The following NSRP1 variants were observed in gnomAD, a reference collection of about 807,000 sequenced individuals.
NSRP1 encodes the protein nuclear speckle splicing regulatory protein 1, also known as coiled-coil domain containing 55.
NSRP1 carries 24 observed loss-of-function variants against 54.7 expected under a neutral mutation model. That is an observed-to-expected ratio of 0.44 (90% CI 0.32 to 0.62). NSRP1 has a LOEUF of 0.62. NSRP1 is among the 20% of genes least tolerant of loss of function. The pLI, the probability that NSRP1 is intolerant of heterozygous loss-of-function variation, is 0.06. For missense variants in NSRP1, 596 were observed against 651.2 expected (o/e 0.92, Z 0.92); for synonymous variants, 210 against 213.8 (o/e 0.98, Z 0.15).
intron 2 of NSRP1, among the ~76,000 whole-genome samples, chr17:30,155,162 G>A (rs1340517821): frequency 6.6e-6 from 1 of 151,922 alleles, no homozygotes; most frequent in Non-Finnish European, 1.5e-5. Flanking sequence ...GAATATGTGA[G>A]ATATTTTGGT....
intron 5 of NSRP1, among the ~76,000 whole-genome samples, chr17:30,180,505 G>A (rs1319846076): frequency 6.6e-6 from 1 of 152,178 alleles, no homozygotes; most frequent in Non-Finnish European, 1.5e-5. Flanking sequence ...TTCTGTCTAA[G>A]CATGTACTAT....
intron 3 of NSRP1, among the ~76,000 whole-genome samples, chr17:30,174,441 G>A (rs1428596651): frequency 3.9e-5 from 6 of 152,166 alleles, no homozygotes; most frequent in Admixed American, 3.3e-4. Context: ...ATACTAGCTT[G>A]ATTGCATTTA....
chr17:30,135,795 G>A (rs562161120), intron 2 of NSRP1, among the ~76,000 whole-genome samples: 33 of 152,206 alleles, frequency 2.2e-4, no homozygotes, highest in African/African-American at 2.6e-4. Context: ...GATGAGGACC[G>A]GGGTGGTAGA....
At chr17:30,166,109 CTAA>C (rs2143007184) in intron 2 of NSRP1, among the ~76,000 whole-genome samples, 1 of 152,168 alleles carries the variant, frequency 6.6e-6, no homozygotes, top group African/African-American at 2.4e-5. Flanking sequence ...AAAATGGTAG[CTAA>C]CCTTTGTGAG....
intron 2 of NSRP1, 142 bp downstream of exon 2, chr17:30,118,315 AAAG>A (rs1170641566): frequency 1.7e-6 from 1 of 585,202 alleles, no homozygotes; most frequent in East Asian, 2.8e-5. Context: ...AGGAAGGTGT[AAAG>A]AAAGCAGCTC....
chr17:30,171,631 T>C (rs1208483208), intron 2 of NSRP1, among the ~76,000 whole-genome samples: 1 of 151,506 alleles, frequency 6.6e-6, no homozygotes, highest in Non-Finnish European at 1.5e-5. Context: ...TTTCTTTAAT[T>C]GTCTTCCCTT....
chr17:30,163,328 C>T (rs552014323), intron 2 of NSRP1, among the ~76,000 whole-genome samples: 30 of 151,902 alleles, frequency 2.0e-4, no homozygotes, highest in African/African-American at 7.0e-4. Flanking sequence ...CCTCCTCGGC[C>T]TCCCAGAGTG....
chr17:30,135,434 GTTAAC>G (rs2071741036), intron 2 of NSRP1, among the ~76,000 whole-genome samples: 2 of 151,442 alleles, frequency 1.3e-5, no homozygotes, highest in Admixed American at 1.3e-4. Context: ...GCTTATCAGA[GTTAAC>G]TTAGGTAGGG....
intron 4 of NSRP1, among the ~76,000 whole-genome samples, 175 bp downstream of exon 4, chr17:30,178,374 T>G (rs9894145): frequency 0.055 from 8,389 of 152,248 alleles, 399 homozygotes; most frequent in African/African-American, 0.13. Context: ...CTACATATTA[T>G]CCTAATAGGC....
Position 30,118,157 on chromosome 17 carries a change from CTGA to C in NSRP1, c.111_113del (p.Asp37del). 24 of 1,612,938 alleles carry C rather than the reference CTGA, an allele frequency of 1.5e-5. No homozygotes were observed. The highest frequency in any genetic ancestry group is 3.3e-5 in the South Asian group (3 of 91,034). On this transcript the variant is annotated inframe_deletion, in exon 2 of 7. Transcript: ENST00000247026. Reference sequence around the variant, plus strand: ...AAACCATCAGTGTTTGGGAATGATTCTGATGATGATGATGAGGTAAGGAAACCT... The same window carrying C: ...AAACCATCAGTGTTTGGGAATGATTCTGATGATGATGAGGTAAGGAAACCT...
At chr17:30,126,409 C>A (rs1464707574) in intron 2 of NSRP1, among the ~76,000 whole-genome samples, 1 of 152,222 alleles carries the variant, frequency 6.6e-6, no homozygotes, top group African/African-American at 2.4e-5. Context: ...CTACTTCTTT[C>A]AAGATACCTT....
chr17:30,159,091 G>A (rs1904419714), intron 2 of NSRP1, among the ~76,000 whole-genome samples: 1 of 152,186 alleles, frequency 6.6e-6, no homozygotes, highest in Admixed American at 6.5e-5. Context: ...TCCGATCCAT[G>A]AACATGGGAT....
intron 3 of NSRP1, chr17:30,177,802 A>G (rs1034148727): frequency 5.1e-5 from 23 of 453,870 alleles, no homozygotes; most frequent in Middle Eastern, 6.4e-4. Context: ...TTAGAATGTA[A>G]ATATAGTCAT....
At chr17:30,121,399 G>A (rs1261835972) in intron 2 of NSRP1, among the ~76,000 whole-genome samples, 2 of 151,200 alleles carry the variant, frequency 1.3e-5, no homozygotes, top group African/African-American at 4.9e-5. Context: ...AAATAAGTAG[G>A]ACCTGGCAGC....
At chr17:30,153,436 C>T (rs761832095) in intron 2 of NSRP1, among the ~76,000 whole-genome samples, 2 of 152,020 alleles carry the variant, frequency 1.3e-5, no homozygotes, top group Non-Finnish European at 2.9e-5. Context: ...TACATTTATA[C>T]GTTTGGTTTC....
chr17:30,178,547 C>G (rs1905201315), intron 4 of NSRP1, among the ~76,000 whole-genome samples: 2 of 152,156 alleles, frequency 1.3e-5, no homozygotes, highest in Non-Finnish European at 2.9e-5. Context: ...TTCTTCCTAG[C>G]TGGTAACTGA....
At chr17:30,120,394 G>C (rs2071586250) in intron 2 of NSRP1, among the ~76,000 whole-genome samples, 1 of 152,226 alleles carries the variant, frequency 6.6e-6, no homozygotes, top group Non-Finnish European at 1.5e-5. Context: ...ATGGAATATT[G>C]AGGAAGTTAC....
At chr17:30,174,061 A>G (rs1243083920) in intron 3 of NSRP1, among the ~76,000 whole-genome samples, 4 of 152,232 alleles carry the variant, frequency 2.6e-5, no homozygotes, top group Non-Finnish European at 5.9e-5. Context: ...CTTCCTCACT[A>G]TATAAATGGG....
At chr17:30,147,460 GTTTGT>G (rs1395210573) in intron 2 of NSRP1, among the ~76,000 whole-genome samples, 3 of 149,938 alleles carry the variant, frequency 2.0e-5, no homozygotes, top group African/African-American at 4.9e-5. Context: ...GGTTGGTTTT[GTTTGT>G]TTTGTTTTGT....
Sources: allele counts gnomAD v4.1 joint callset (sites outside exome capture counted in the v4.1 genomes callset), GRCh38; gene constraint gnomAD v4.1.1; transcripts MANE v1.5; gene names NCBI Gene and HGNC (gene_info 2026-07-23, HGNC 2026-07-21).